The following RORC variants were observed in gnomAD, a reference collection of about 807,000 sequenced individuals.
RORC encodes the protein RAR related orphan receptor C.
In RORC, 13 loss-of-function variants were observed where a neutral mutation model predicts 64.5. The observed-to-expected ratio is 0.20, with a 90% CI of 0.13 to 0.32. The LOEUF is 0.32. Ranked by LOEUF, RORC falls within the 10% of genes least tolerant of loss-of-function variation. The probability of loss-of-function intolerance (pLI) is 1.00; values close to 1 mark genes in which losing one functional copy is unlikely to be tolerated. For missense variants in RORC, 468 were observed against 669.5 expected, an observed-to-expected ratio of 0.70 and a Z score of 3.32; for synonymous variants, 277 against 259.3, an observed-to-expected ratio of 1.07 and a Z score of -0.65.
chr1:151,815,830 G>T (rs1185392449), intron 4 of RORC, among the ~76,000 whole-genome samples: 1 of 152,158 alleles, frequency 6.6e-6, no homozygotes, highest in Admixed American at 6.5e-5. Flanking sequence ...TGAGAACACA[G>T]GTCTCCCTGT....
chr1:151,807,612 G>C lies in RORC; in HGVS notation c.1417C>G (p.Arg473Gly). 1 of 1,614,156 alleles carries C rather than the reference G, an allele frequency of 6.2e-7. No homozygotes were observed. Among genetic ancestry groups the C allele is most frequent in the African/African-American group, 1.3e-5 (1 of 75,054 alleles). ...TCCACATGCTGGCTACACAGGCTCC[G>C]AAGCTTCCCCTTGGGTGGCAGCTGG... Reference protein sequence around the residue: ...LAKLPPKGKLRSLCSQHVERL... With the variant: ...LAKLPPKGKLGSLCSQHVERL... The change falls in exon 11 of 11, where the codon CGG becomes GGG. Residue 473 changes from arginine (R) to glycine (G), a missense_variant. Around this residue, in one of 5 missense-constraint regions of RORC, gnomAD observed 93 missense variants for 116.6 expected, o/e 0.80. Coordinates refer to ENST00000318247, the MANE Select transcript of RORC (RefSeq NM_005060.4). This position sits in a 1 kb window ranked among gnomAD's most constrained non-coding sequence, Gnocchi z 5.0.
chr1:151,813,688 G>A lies in RORC; in HGVS notation c.934-68C>T, dbSNP rs1341502118. On this transcript the variant is annotated intron_variant, in intron 6 of 10. Transcript: ENST00000318247. ...CCCTGTGATCCTCCTGAGCCCTGGAGCCCCACCTAATAAACTGCAAGGGGT... is the reference window on the plus strand; with the variant it reads ...CCCTGTGATCCTCCTGAGCCCTGGAACCCCACCTAATAAACTGCAAGGGGT... 3 of 1,567,420 alleles carry A rather than the reference G, an allele frequency of 1.9e-6. No homozygotes were observed. The African/African-American group carries it at 4.1e-5, about 21-fold the overall frequency.
rs1652381983 is a variant in RORC, at chr1:151,830,800, C to T, written c.40+925G>A. ...TGCCCCGAGGTGGCAAGGCCCCACCCAGCCCCGCCCACCTCCCCTTGCTCC... is the reference window on the plus strand; with the variant it reads ...TGCCCCGAGGTGGCAAGGCCCCACCTAGCCCCGCCCACCTCCCCTTGCTCC... On this transcript the variant is annotated intron_variant, in intron 1 of 10. Transcript: ENST00000318247. This position sits in a 1 kb window ranked among gnomAD's most constrained non-coding sequence, Gnocchi z 4.0. 10 of 423,454 alleles carry T rather than the reference C, an allele frequency of 2.4e-5. No individual in the cohort carries two copies. The highest frequency in any genetic ancestry group is 3.8e-5 in the Non-Finnish European group (9 of 239,948). The allele number at this position is 423,454 out of a possible 1,614,324, so 26.2% of individuals were successfully genotyped here.
intron 2 of RORC, chr1:151,825,988 G>T (rs200383573): frequency 1.9e-6 from 3 of 1,610,264 alleles, no homozygotes; most frequent in Non-Finnish European, 1.7e-6. Flanking sequence ...TCAGCAGGGG[G>T]TGGTCCAGGA....
chr1:151,817,263 G>A lies in RORC; in HGVS notation c.88C>T (p.Pro30Ser). The A allele has an allele frequency of 6.2e-7, 1 of 1,613,990 alleles. No individual in the cohort carries two copies. Among genetic ancestry groups the A allele is most frequent in the Non-Finnish European group, 8.5e-7 (1 of 1,179,834 alleles). Residue 30 changes from proline to serine, a missense_variant, in exon 3 of 11, where the codon CCT (proline) becomes TCT (serine). This residue lies in a region of RORC where 13 missense variants were observed against 46.0 expected (regional missense o/e 0.28). Coordinates refer to ENST00000318247, the MANE Select transcript of RORC (RefSeq NM_005060.4). The part of the protein sequence containing the change: ...KTHTSQIEVI[P>S]CKICGDKSSG... ...GACTTGTCCCCACAGATTTTGCAAGGGATCACTTCAATTTGTGCTGGAAGA... is the reference window on the plus strand; with the variant it reads ...GACTTGTCCCCACAGATTTTGCAAGAGATCACTTCAATTTGTGCTGGAAGA...
rs183356778 is a variant in RORC at position 151,809,728 on chromosome 1, T to C, written c.1395+1597A>G. Among the ~76,000 whole-genome samples the C allele has an allele frequency of 1.9e-4, 29 of 152,334 alleles. No homozygotes were observed. The East Asian group carries it at 2.1e-3, about 11-fold the overall frequency. On this transcript the variant is annotated intron_variant, in intron 10 of 10. Coordinates refer to ENST00000318247, the MANE Select transcript of RORC (RefSeq NM_005060.4). Reference sequence around the variant, plus strand: ...ATCCTGTAGCAGATTAAAGTTCAAGTTCTTGAGAGCACAGACCGTGTAAGT... The same window carrying C: ...ATCCTGTAGCAGATTAAAGTTCAAGCTCTTGAGAGCACAGACCGTGTAAGT...
At position 151,815,133 on chromosome 1, in the gene RORC, C is replaced by T. The variant is rs369628090; in HGVS notation, c.591G>A (p.Gly197=). 6.2e-7 allele frequency: 1 copy of T among 1,613,994 alleles called. No homozygotes were observed. The highest frequency in any genetic ancestry group is 8.5e-7 in the Non-Finnish European group (1 of 1,179,980). The part of the protein sequence containing the change: ...SNNLAKAGLN[G]ASCHLEYSPE... ...GGCTGTATTCAAGGTGGCATGAGGC[C>T]CCATTGAGCCCTGCCTTGGCCAAGT... The change falls in exon 5 of 11, where the codon GGG becomes GGA. Residue 197 remains glycine (G), a synonymous_variant. Transcript: ENST00000318247.
At position 151,830,954 on chromosome 1, in the gene RORC, G is replaced by T. The variant is rs1418181728; in HGVS notation, c.40+771C>A. The T allele has an allele frequency of 7.8e-7, 1 of 1,289,242 alleles. No homozygotes were observed. 79.9% of individuals were successfully genotyped at this position (1,289,242 alleles called of 1,614,324 possible). ...CAGGCAGCCAGTTCTTCCTCCACCAGGTGGCCCTGGAGCTTGGTGGCTCTG... is the reference window on the plus strand; with the variant it reads ...CAGGCAGCCAGTTCTTCCTCCACCATGTGGCCCTGGAGCTTGGTGGCTCTG... On this transcript the variant is annotated intron_variant, in intron 1 of 10. Coordinates refer to ENST00000318247, the MANE Select transcript of RORC (RefSeq NM_005060.4). The surrounding 1 kb of genome is among the most constrained non-coding windows in gnomAD (Gnocchi z 4.0).
chr1:151,806,523 A>G lies in RORC; in HGVS notation c.*949T>C, dbSNP rs1572031562. The G allele has an allele frequency of 6.6e-6, 1 of 152,502 alleles. No homozygotes were observed. Among genetic ancestry groups the G allele is most frequent in the South Asian group, 2.1e-4 (1 of 4,830 alleles). The allele number at this position is 152,502 out of a possible 1,614,324, so 9.4% of individuals were successfully genotyped here. Reference sequence around the variant, plus strand: ...GTATTTGGATCACCCCAGACCCAAGATCAGTGGACTGGAGCACCATGGAAA... The same window carrying G: ...GTATTTGGATCACCCCAGACCCAAGGTCAGTGGACTGGAGCACCATGGAAA... On this transcript the variant is annotated 3_prime_UTR_variant, in exon 11 of 11. Transcript: ENST00000318247.
At chr1:151,821,115 T>C (rs1651981583) in intron 2 of RORC, among the ~76,000 whole-genome samples, 1 of 152,196 alleles carries the variant, frequency 6.6e-6, no homozygotes, top group Admixed American at 6.5e-5. Context: ...CATCCTCCTC[T>C]AATCGAGCCT....
At chr1:151,821,820 C>T (rs1422511786) in intron 2 of RORC, among the ~76,000 whole-genome samples, 1 of 152,128 alleles carries the variant, frequency 6.6e-6, no homozygotes, top group Non-Finnish European at 1.5e-5. Flanking sequence ...GAACAGAATT[C>T]ACAGAGGAAA....
At chr1:151,824,004 T>A (rs913725591) in intron 2 of RORC, among the ~76,000 whole-genome samples, 1 of 152,180 alleles carries the variant, frequency 6.6e-6, no homozygotes, top group Non-Finnish European at 1.5e-5. Flanking sequence ...TCTCCCTAGG[T>A]GTTCCAGAAA....
At chr1:151,819,015 A>G (rs1024766609) in intron 2 of RORC, among the ~76,000 whole-genome samples, 6 of 152,150 alleles carry the variant, frequency 3.9e-5, no homozygotes, top group Non-Finnish European at 7.4e-5. Flanking sequence ...TTAGCACTCA[A>G]TTCCTCACCC....
At chr1:151,808,768 G>A (rs1521178) in intron 10 of RORC, among the ~76,000 whole-genome samples, 1,885 of 152,250 alleles carry the variant, frequency 0.012, 48 homozygotes, top group African/African-American at 0.043. Flanking sequence ...AATATGTAGT[G>A]TATCAGATAA....
intron 2 of RORC, among the ~76,000 whole-genome samples, chr1:151,822,845 C>T (rs749610939): frequency 1.3e-5 from 2 of 152,192 alleles, no homozygotes; most frequent in African/African-American, 2.4e-5. Context: ...CAGCAGCAGG[C>T]GTGGAGGTGA....
chr1:151,814,225 C>A, intron 6 of RORC: 1 of 227,300 alleles, frequency 4.4e-6, no homozygotes, highest in East Asian at 1.0e-4. Context: ...CAATGCCTGG[C>A]AGAGAAGGGG....
intron 9 of RORC, 53 bp from the exon 10 acceptor site, chr1:151,811,487 C>T: frequency 8.8e-7 from 1 of 1,139,674 alleles, no homozygotes. Flanking sequence ...TGGACATTAA[C>T]TCCCAACAAA....
chr1:151,825,292 A>G (rs1652148248), intron 2 of RORC, among the ~76,000 whole-genome samples: 1 of 151,966 alleles, frequency 6.6e-6, no homozygotes, highest in Admixed American at 6.6e-5. Flanking sequence ...ACGCACACAC[A>G]CACATGCACA....
intron 2 of RORC, among the ~76,000 whole-genome samples, chr1:151,820,557 G>A (rs187443627): frequency 1.5e-4 from 23 of 152,168 alleles, no homozygotes; most frequent in Admixed American, 1.3e-3. Flanking sequence ...CTCTACCCTC[G>A]CCTGCTGTCT....
Sources: gnomAD v4.1 joint callset for allele counts (sites outside exome capture counted in the v4.1 genomes callset) on GRCh38, gnomAD v4.1.1 for gene constraint, gnomAD v4.1.1 regional missense constraint, Gnocchi (gnomAD v3.1) non-coding constraint, MANE v1.5 for transcripts, NCBI Gene and HGNC (gene_info 2026-07-23, HGNC 2026-07-21) for gene names.